SPAG16: variants seen among roughly 807,000 people sequenced by gnomAD.
SPAG16 encodes sperm associated antigen 16.
In SPAG16, 86 loss-of-function variants were observed where a neutral mutation model predicts 80.4. The observed-to-expected ratio is 1.07, with a 90% CI of 0.90 to 1.28. The LOEUF (loss-of-function observed/expected upper bound fraction) is 1.28, where lower values mean the gene tolerates loss of function less well. Ranked by LOEUF, SPAG16 falls within the 50% of genes most tolerant of loss-of-function variation. The pLI, the probability that SPAG16 is intolerant of heterozygous loss-of-function variation, is 0.00. For missense variants in SPAG16, 870 were observed against 765.3 expected (o/e 1.14, Z -1.61); for synonymous variants, 294 against 265.9 (o/e 1.11, Z -1.03).
intron 10 of SPAG16, among the ~76,000 whole-genome samples, chr2:213,843,635 GAGGCCA>G (rs1415142715): frequency 6.6e-6 from 1 of 152,192 alleles, no homozygotes; most frequent in Non-Finnish European, 1.5e-5. Context: ...TCGATCACCT[GAGGCCA>G]GAAGTTTGAA....
Position 214,000,833 on chromosome 2 carries a change from A to AT in SPAG16, c.1401-13108dup, listed in dbSNP as rs960279977. Among the ~76,000 whole-genome samples the AT allele has an allele frequency of 7.8e-4, 118 of 150,764 alleles. 1 individual carries two copies. The highest frequency in any genetic ancestry group is 3.4e-3 in the Middle Eastern group (1 of 294). On this transcript the variant is annotated intron_variant, in intron 12 of 15. Coordinates refer to ENST00000331683, the MANE Select transcript of SPAG16 (RefSeq NM_024532.5). ...ATGAGGAAACAGGTGGGTTAAATAG[A>AT]TTTTTTTTTTCTCTGACAATCAAGC... is the stretch of plus-strand genomic sequence containing the variant.
intron 3 of SPAG16, among the ~76,000 whole-genome samples, chr2:213,305,156 G>C (rs190391188): frequency 1.3e-5 from 2 of 152,132 alleles, no homozygotes; most frequent in Non-Finnish European, 2.9e-5. Flanking sequence ...TTTCTTTCTT[G>C]ATATCTTTAC....
chr2:214,282,668 A>G (rs1157293246), intron 15 of SPAG16, among the ~76,000 whole-genome samples: 2 of 152,080 alleles, frequency 1.3e-5, no homozygotes, highest in Non-Finnish European at 1.5e-5. Context: ...TAGAATGAAA[A>G]TTTTGGAGCA....
intron 9 of SPAG16, among the ~76,000 whole-genome samples, chr2:213,440,687 C>T (rs1030321027): frequency 6.6e-6 from 1 of 152,084 alleles, no homozygotes; most frequent in East Asian, 1.9e-4. Flanking sequence ...AATAACAGTA[C>T]TTTTAATAAA....
intron 6 of SPAG16, among the ~76,000 whole-genome samples, chr2:213,345,813 G>T (rs138981596): frequency 6.6e-6 from 1 of 152,226 alleles, no homozygotes; most frequent in African/African-American, 2.4e-5. Flanking sequence ...GTCAGGTAGC[G>T]TGATGCTTCC....
chr2:214,176,403 A>C (rs2125651372), intron 15 of SPAG16, among the ~76,000 whole-genome samples: 1 of 151,492 alleles, frequency 6.6e-6, no homozygotes, highest in East Asian at 1.9e-4. Flanking sequence ...AATGAAAAAA[A>C]ATCCTCCAAA....
chr2:214,330,481 A>G (rs1012564578), intron 15 of SPAG16, among the ~76,000 whole-genome samples: 41 of 152,308 alleles, frequency 2.7e-4, no homozygotes, highest in South Asian at 1.7e-3. Context: ...CAGGAGTCTT[A>G]TTAGAAAGTG....
At chr2:213,557,075 T>A (rs755727396) in intron 10 of SPAG16, among the ~76,000 whole-genome samples, 18 of 152,112 alleles carry the variant, frequency 1.2e-4, no homozygotes, top group Non-Finnish European at 2.4e-4. Flanking sequence ...ATATAAAAAT[T>A]AAGCATATGT....
chr2:213,887,178 G>A (rs966715542), intron 11 of SPAG16, among the ~76,000 whole-genome samples: 1 of 151,918 alleles, frequency 6.6e-6, no homozygotes, highest in Non-Finnish European at 1.5e-5. Flanking sequence ...ATTAACACTG[G>A]CATCATACTT....
intron 9 of SPAG16, among the ~76,000 whole-genome samples, chr2:213,411,375 A>C (rs1002240996): frequency 2.0e-5 from 3 of 152,198 alleles, no homozygotes; most frequent in African/African-American, 7.2e-5. Context: ...AGATTGGATA[A>C]ACTATATCTA....
chr2:213,353,002 A>G (rs1039387926), intron 7 of SPAG16, among the ~76,000 whole-genome samples: 4 of 152,308 alleles, frequency 2.6e-5, no homozygotes, highest in Admixed American at 2.0e-4. Context: ...TTCAAATGGC[A>G]TGCCCTTTTT....
At chr2:213,484,614 T>A (rs1261033884) in intron 9 of SPAG16, among the ~76,000 whole-genome samples, 1 of 152,230 alleles carries the variant, frequency 6.6e-6, no homozygotes, top group Non-Finnish European at 1.5e-5. Flanking sequence ...TCTCTTTTAA[T>A]ACGGTGTTTA....
At chr2:214,318,206 A>G (rs937719562) in intron 15 of SPAG16, among the ~76,000 whole-genome samples, 3 of 152,034 alleles carry the variant, frequency 2.0e-5, no homozygotes, top group African/African-American at 4.8e-5. Flanking sequence ...TGTGCCCATT[A>G]TGACTGATAT....
intron 10 of SPAG16, among the ~76,000 whole-genome samples, chr2:213,670,132 C>A (rs1270110020): frequency 6.6e-6 from 1 of 151,794 alleles, no homozygotes; most frequent in Non-Finnish European, 1.5e-5. Context: ...GTAGCTGAGA[C>A]TACAGGTGCC....
At chr2:214,093,756 A>C (rs1012556279) in intron 13 of SPAG16, among the ~76,000 whole-genome samples, 6 of 152,086 alleles carry the variant, frequency 3.9e-5, no homozygotes, top group Non-Finnish European at 7.4e-5. Context: ...CTAGTTTTGC[A>C]GGCCTATAGT....
At chr2:213,579,860 T>C (rs2060246305) in intron 10 of SPAG16, among the ~76,000 whole-genome samples, 1 of 152,162 alleles carries the variant, frequency 6.6e-6, no homozygotes, top group African/African-American at 2.4e-5. Context: ...CAAGATGACA[T>C]TGTGATCAAC....
chr2:214,180,128 A>G (rs193246351), intron 15 of SPAG16, among the ~76,000 whole-genome samples: 1 of 151,770 alleles, frequency 6.6e-6, no homozygotes, highest in Non-Finnish European at 1.5e-5. Context: ...TATATTTTAA[A>G]ACCACCAGAA....
intron 12 of SPAG16, among the ~76,000 whole-genome samples, chr2:213,943,612 A>G (rs902243682): frequency 6.6e-6 from 1 of 152,058 alleles, no homozygotes; most frequent in African/African-American, 2.4e-5. Flanking sequence ...ATATTTAGCT[A>G]AAAAAAATTT....
At chr2:214,182,485 C>G (rs1377265959) in intron 15 of SPAG16, among the ~76,000 whole-genome samples, 1 of 151,752 alleles carries the variant, frequency 6.6e-6, no homozygotes, top group African/African-American at 2.4e-5. Flanking sequence ...TTTCTTCTGT[C>G]CAATATAAAT....
Sources: allele counts gnomAD v4.1 joint callset (sites outside exome capture counted in the v4.1 genomes callset), GRCh38; gene constraint gnomAD v4.1.1; transcripts MANE v1.5; gene names NCBI Gene and HGNC (gene_info 2026-07-23, HGNC 2026-07-21).